AKAP6: variants seen among roughly 807,000 people sequenced by gnomAD.
AKAP6 encodes A-kinase anchoring protein 6.
AKAP6 carries 58 observed loss-of-function variants against 188.5 expected under a neutral mutation model. The ratio of observed to expected loss-of-function variants is 0.31; its 90% CI spans 0.25 to 0.38. AKAP6 has a LOEUF of 0.38. Ranked by LOEUF, AKAP6 falls within the 10% of genes least tolerant of loss-of-function variation. AKAP6 has a pLI of 1.00. For missense variants in AKAP6, 2,710 were observed against 2,740.0 expected, an observed-to-expected ratio of 0.99 and a Z score of 0.24; for synonymous variants, 989 against 998.6, an observed-to-expected ratio of 0.99 and a Z score of 0.18.
intron 2 of AKAP6, among the ~76,000 whole-genome samples, chr14:32,525,781 G>T (rs543778000): frequency 6.6e-6 from 1 of 152,032 alleles, no homozygotes; most frequent in African/African-American, 2.4e-5. Flanking sequence ...TCTGTATGGC[G>T]GTGTCCTAAC....
chr14:32,439,409 A>G (rs1415843466), intron 2 of AKAP6, among the ~76,000 whole-genome samples: 3 of 152,094 alleles, frequency 2.0e-5, no homozygotes, highest in Non-Finnish European at 2.9e-5. Flanking sequence ...GGGGATGGTG[A>G]GTTGTGGTAC....
intron 2 of AKAP6, among the ~76,000 whole-genome samples, chr14:32,491,991 C>T (rs898512210): frequency 6.6e-6 from 1 of 152,114 alleles, no homozygotes; most frequent in Non-Finnish European, 1.5e-5. Flanking sequence ...AAATCCCTTC[C>T]TCTGTACTAG....
At chr14:32,407,379 C>T (rs1432577254) in intron 1 of AKAP6, among the ~76,000 whole-genome samples, 1 of 152,222 alleles carries the variant, frequency 6.6e-6, no homozygotes, top group Middle Eastern at 3.2e-3. Context: ...CAGGCCTGGG[C>T]TGCATCAGCT....
chr14:32,649,991 A>C (rs1414295251), intron 7 of AKAP6, among the ~76,000 whole-genome samples: 1 of 152,222 alleles, frequency 6.6e-6, no homozygotes, highest in Non-Finnish European at 1.5e-5. Context: ...ACAGAGGCTG[A>C]AAAGGGCTCT....
chr14:32,724,864 C>T (rs1670077744), intron 9 of AKAP6, among the ~76,000 whole-genome samples: 1 of 151,554 alleles, frequency 6.6e-6, no homozygotes, highest in Non-Finnish European at 1.5e-5. Context: ...ACATTAAAAC[C>T]TCCTTGCTGA....
chr14:32,701,556 G>A (rs760206662), intron 9 of AKAP6, among the ~76,000 whole-genome samples: 4 of 151,868 alleles, frequency 2.6e-5, no homozygotes, highest in Admixed American at 1.3e-4. Context: ...ATATAAATAC[G>A]TGTGGAATAG....
At chr14:32,383,087 A>ATGTGTGTGTG (rs3031402) in intron 1 of AKAP6, among the ~76,000 whole-genome samples, 3 of 143,172 alleles carry the variant, frequency 2.1e-5, no homozygotes, top group Admixed American at 7.1e-5. Context: ...GGCAGATTTT[A>ATGTGTGTGTG]TGTGTGTGTG....
At chr14:32,728,723 G>T (rs2031016934) in intron 9 of AKAP6, among the ~76,000 whole-genome samples, 1 of 152,184 alleles carries the variant, frequency 6.6e-6, no homozygotes, top group Admixed American at 6.5e-5. Context: ...TCTCTTTTCA[G>T]CATAACCAAC....
chr14:32,486,475 G>A (rs1879701746), intron 2 of AKAP6, among the ~76,000 whole-genome samples: 1 of 152,064 alleles, frequency 6.6e-6, no homozygotes, highest in Non-Finnish European at 1.5e-5. Flanking sequence ...ATTTGTTTGT[G>A]TTGTATCTTA....
chr14:32,569,202 A>T (rs1884347886), intron 4 of AKAP6, among the ~76,000 whole-genome samples: 1 of 152,014 alleles, frequency 6.6e-6, no homozygotes, highest in Non-Finnish European at 1.5e-5. Context: ...TTTCTTTCCC[A>T]CTGACAGTTT....
chr14:32,625,405 C>T (rs1016992515), intron 7 of AKAP6, among the ~76,000 whole-genome samples: 21 of 152,186 alleles, frequency 1.4e-4, no homozygotes, highest in African/African-American at 5.1e-4. Flanking sequence ...CCCCTGCACA[C>T]CATTAAGGTG....
chr14:32,699,315 T>G (rs941423618), intron 9 of AKAP6, among the ~76,000 whole-genome samples: 3 of 152,174 alleles, frequency 2.0e-5, no homozygotes, highest in Non-Finnish European at 4.4e-5. Context: ...ATTGTGATAT[T>G]TAGGCTAATC....
chr14:32,475,850 T>C (rs1035374775), intron 2 of AKAP6, among the ~76,000 whole-genome samples: 10 of 151,738 alleles, frequency 6.6e-5, no homozygotes, highest in African/African-American at 2.4e-4. Flanking sequence ...GCTAATTTTT[T>C]TGTATTTTTT....
At chr14:32,758,463 A>C (rs1430276087) in intron 11 of AKAP6, among the ~76,000 whole-genome samples, 1 of 152,166 alleles carries the variant, frequency 6.6e-6, no homozygotes, top group African/African-American at 2.4e-5. Flanking sequence ...GCTGGGTGCA[A>C]TGGCTCACGC....
intron 7 of AKAP6, among the ~76,000 whole-genome samples, chr14:32,611,670 G>C (rs1886357829): frequency 6.6e-6 from 1 of 152,174 alleles, no homozygotes; most frequent in South Asian, 2.1e-4. Context: ...TCTACAACCT[G>C]AGGAGTGAAA....
Position 32,600,646 on chromosome 14 carries a change from C to T in AKAP6, c.2584C>T (p.Arg862Trp), listed in dbSNP as rs113244262. The change falls in exon 7 of 14, where the codon CGG becomes TGG. Residue 862 changes from arginine to tryptophan, a missense_variant. Around this residue, in one of 2 missense-constraint regions of AKAP6, gnomAD observed 2,473 missense variants for 2,426.1 expected, o/e 1.02. Coordinates refer to ENST00000280979, the MANE Select transcript of AKAP6 (RefSeq NM_004274.5). ...SHKAGLKDMLRMIASQWKELQ... is the reference protein window; with the variant it reads ...SHKAGLKDMLWMIASQWKELQ... ...TGGAGAAGGACTGAAGGACATGCTGCGGATGATTGCAAGTCAATGGAAGGA... is the reference window on the plus strand; with the variant it reads ...TGGAGAAGGACTGAAGGACATGCTGTGGATGATTGCAAGTCAATGGAAGGA... 2.2e-5 allele frequency: 35 copies of T among 1,612,432 alleles called. No homozygotes were observed. In the African/African-American group the frequency reaches 2.5e-4, roughly 12 times the overall value.
chr14:32,368,464 G>T (rs1217941248), intron 1 of AKAP6, among the ~76,000 whole-genome samples: 1 of 152,056 alleles, frequency 6.6e-6, no homozygotes, highest in Non-Finnish European at 1.5e-5. Flanking sequence ...AGAGTGATGT[G>T]GGCATACACA....
At chr14:32,527,242 G>A (rs1024078177) in intron 2 of AKAP6, among the ~76,000 whole-genome samples, 4 of 152,212 alleles carry the variant, frequency 2.6e-5, no homozygotes, top group Non-Finnish European at 5.9e-5. Context: ...TACATTTAAG[G>A]TTCCTCATGT....
At chr14:32,489,458 A>G (rs1034081755) in intron 2 of AKAP6, among the ~76,000 whole-genome samples, 1 of 152,072 alleles carries the variant, frequency 6.6e-6, no homozygotes, top group Non-Finnish European at 1.5e-5. Flanking sequence ...AATTCTTCCA[A>G]TCAGTCTCTC....
Sources: allele counts gnomAD v4.1 joint callset (sites outside exome capture counted in the v4.1 genomes callset), GRCh38; gene constraint gnomAD v4.1.1; regional missense constraint gnomAD v4.1.1; transcripts MANE v1.5; gene names NCBI Gene and HGNC (gene_info 2026-07-23, HGNC 2026-07-21).